The following DOCK9 variants were observed in gnomAD, a reference collection of about 807,000 sequenced individuals.
DOCK9 encodes dedicator of cytokinesis protein 9.
Under a neutral mutation model 263.3 loss-of-function variants are expected in DOCK9, and 89 were observed. The ratio of observed to expected loss-of-function variants is 0.34; its 90% confidence interval spans 0.28 to 0.40. DOCK9 has a LOEUF of 0.40. Among genes scored for constraint, DOCK9 ranks in the 10% least tolerant of loss-of-function variants. DOCK9 has a pLI of 1.00. For synonymous variants in DOCK9, 976 were observed against 973.1 expected (o/e 1.00, Z -0.06); for missense variants, 2,140 against 2,603.4 (o/e 0.82, Z 3.87).
chr13:98,982,921 A>G (rs918228941), upstream of DOCK9, among the ~76,000 whole-genome samples: 1 of 67,560 alleles, frequency 1.5e-5, no homozygotes, highest in African/African-American at 8.0e-5. Flanking sequence ...TAAAGTTTTA[A>G]AATGTACAAA....
chr13:98,875,327 T>TA (rs5806080), intron 27 of DOCK9, among the ~76,000 whole-genome samples: 79,346 of 151,578 alleles, frequency 0.52, 21,148 homozygotes, highest in Middle Eastern at 0.59. Flanking sequence ...ATATGTATAG[T>TA]GTTTACAAAT....
intron 47 of DOCK9, chr13:98,809,142 TAAAG>T (rs1428269387): frequency 1.9e-6 from 3 of 1,541,662 alleles, no homozygotes; most frequent in African/African-American, 2.8e-5. Flanking sequence ...AAGAAAGTAA[TAAAG>T]AAAAGACAGG....
chr13:98,906,570 C>T (rs1355333927), intron 9 of DOCK9, among the ~76,000 whole-genome samples: 3 of 152,206 alleles, frequency 2.0e-5, no homozygotes, highest in African/African-American at 4.8e-5. Flanking sequence ...TCCCCAAAGA[C>T]ATGAGTCACA....
chr13:99,058,883 T>G (rs2041053735), intron 1 of DOCK9, among the ~76,000 whole-genome samples: 1 of 152,146 alleles, frequency 6.6e-6, no homozygotes, highest in African/African-American at 2.4e-5. Context: ...GTGAATCCAG[T>G]GCAAACTCTG....
intron 30 of DOCK9, among the ~76,000 whole-genome samples, chr13:98,864,509 A>G (rs1052912447): frequency 1.3e-5 from 2 of 152,218 alleles, no homozygotes; most frequent in African/African-American, 4.8e-5. Flanking sequence ...CCCAAGTTCT[A>G]TGAAACCCTT....
intron 15 of DOCK9, among the ~76,000 whole-genome samples, chr13:98,895,146 GA>G (rs33985955): frequency 5.1e-4 from 66 of 130,562 alleles, no homozygotes; most frequent in Non-Finnish European, 8.7e-4. Context: ...CTCCATCTCG[GA>G]AAAAAAAAAA....
At chr13:99,079,244 G>C (rs2042029758) in intron 1 of DOCK9, among the ~76,000 whole-genome samples, 1 of 152,206 alleles carries the variant, frequency 6.6e-6, no homozygotes, top group African/African-American at 2.4e-5. Context: ...TAAGCTTACT[G>C]TTTGACTTTT....
chr13:99,057,760 G>T (rs1596003359), intron 1 of DOCK9, among the ~76,000 whole-genome samples: 2 of 152,164 alleles, frequency 1.3e-5, no homozygotes, highest in African/African-American at 4.8e-5. Flanking sequence ...AGCAATCCAG[G>T]AGTGCCACAC....
chr13:98,814,078 C>G (rs1165471744), intron 45 of DOCK9, among the ~76,000 whole-genome samples: 1 of 152,180 alleles, frequency 6.6e-6, no homozygotes, highest in Non-Finnish European at 1.5e-5. Context: ...CTAATGCCTA[C>G]AAAGATTACA....
At chr13:99,085,854 G>T (rs1185015041) in intron 1 of DOCK9, among the ~76,000 whole-genome samples, 1 of 151,686 alleles carries the variant, frequency 6.6e-6, no homozygotes, top group Non-Finnish European at 1.5e-5. Context: ...GGAGGGATAC[G>T]GGGGAGGGAT....
At chr13:99,013,006 C>T (rs559254481) in intron 1 of DOCK9, among the ~76,000 whole-genome samples, 9 of 152,300 alleles carry the variant, frequency 5.9e-5, no homozygotes, top group African/African-American at 2.2e-4. Context: ...TCAGCATTCC[C>T]TCATTGATTG....
intron 45 of DOCK9, among the ~76,000 whole-genome samples, chr13:98,812,649 T>A (rs1389188183): frequency 1.6e-4 from 24 of 152,302 alleles, no homozygotes; most frequent in African/African-American, 5.8e-4. Context: ...TACACTAGTT[T>A]AAAAATAGGC....
intron 45 of DOCK9, among the ~76,000 whole-genome samples, chr13:98,820,910 T>C (rs577091287): frequency 1.3e-5 from 2 of 152,324 alleles, no homozygotes; most frequent in African/African-American, 4.8e-5. Flanking sequence ...CAGTCTGGTT[T>C]GAACACCTCT....
chr13:98,876,272 A>C (rs1487198472), intron 27 of DOCK9, among the ~76,000 whole-genome samples: 1 of 152,138 alleles, frequency 6.6e-6, no homozygotes, highest in Non-Finnish European at 1.5e-5. Context: ...TGGGTGGGTC[A>C]CCTGAGGTCA....
At chr13:98,915,122 C>T (rs2050677391) in intron 8 of DOCK9, among the ~76,000 whole-genome samples, 1 of 152,094 alleles carries the variant, frequency 6.6e-6, no homozygotes, top group Non-Finnish European at 1.5e-5. Flanking sequence ...TTTGGTTCTT[C>T]CCATTACATG....
At chr13:99,035,530 T>C (rs2142089638) in intron 1 of DOCK9, among the ~76,000 whole-genome samples, 1 of 152,114 alleles carries the variant, frequency 6.6e-6, no homozygotes, top group Admixed American at 6.6e-5. Flanking sequence ...TGGGAAGGAG[T>C]ACACCATTCC....
intron 49 of DOCK9, among the ~76,000 whole-genome samples, chr13:98,802,364 A>G (rs1399576255): frequency 1.3e-5 from 2 of 152,238 alleles, no homozygotes; most frequent in Non-Finnish European, 2.9e-5. Context: ...TACTGCCCAA[A>G]TGGCTGCATG....
At chr13:98,930,694 G>A (rs1457634675) in intron 2 of DOCK9, among the ~76,000 whole-genome samples, 2 of 152,072 alleles carry the variant, frequency 1.3e-5, no homozygotes, top group African/African-American at 4.8e-5. Flanking sequence ...GCCCAGGCTG[G>A]AGTGCAATGG....
intron 1 of DOCK9, among the ~76,000 whole-genome samples, chr13:99,082,721 C>G (rs2042177487): frequency 6.6e-6 from 1 of 152,060 alleles, no homozygotes; most frequent in Admixed American, 6.6e-5. Context: ...ATACGCCAGC[C>G]ACTGCCTAAG....
Sources: allele counts gnomAD v4.1 joint callset (sites outside exome capture counted in the v4.1 genomes callset), GRCh38; gene constraint gnomAD v4.1.1; transcripts MANE v1.5; gene names NCBI Gene and HGNC (gene_info 2026-07-23, HGNC 2026-07-21).